Variants in GRID2 observed in about 807,000 individuals in gnomAD.
GRID2 encodes the protein glutamate receptor ionotropic, delta-2.
Under a neutral mutation model 114.8 loss-of-function variants are expected in GRID2, and 33 were observed. The observed-to-expected ratio is 0.29, with a 90% CI of 0.22 to 0.38. GRID2 has a LOEUF of 0.38. Ranked by LOEUF, GRID2 falls within the 10% of genes least tolerant of loss-of-function variation. GRID2 has a pLI of 1.00. For missense variants in GRID2, 1,184 were observed against 1,257.7 expected (o/e 0.94, Z 0.89); for synonymous variants, 505 against 449.9 (o/e 1.12, Z -1.55).
chr4:92,714,931 G>A (rs1445348272), intron 2 of GRID2, among the ~76,000 whole-genome samples: 3 of 152,168 alleles, frequency 2.0e-5, no homozygotes, highest in African/African-American at 4.8e-5. Context: ...TTGTCTTGGC[G>A]ATTAACATTT....
Position 93,593,718 on chromosome 4 carries a change from A to G in GRID2, c.2194-32551A>G, listed in dbSNP as rs201961734. 8.8e-4 allele frequency among the ~76,000 whole-genome samples: 134 copies of G among 152,106 alleles called. 1 individual carries two copies. The highest frequency in any genetic ancestry group is 1.3e-3 in the Non-Finnish European group (91 of 67,966). On this transcript the variant is annotated intron_variant, in intron 13 of 15. Transcript: ENST00000282020. ...AATCAGACGTAGATTTGGTCTTTTCACATAGTCCCATATTTCCTGGAGGCT... is the reference window on the plus strand; with the variant it reads ...AATCAGACGTAGATTTGGTCTTTTCGCATAGTCCCATATTTCCTGGAGGCT...
intron 3 of GRID2, 82 bp downstream of exon 3, chr4:93,085,361 G>A (rs1730237246): frequency 2.9e-6 from 3 of 1,041,232 alleles, no homozygotes; most frequent in Non-Finnish European, 4.3e-6. Context: ...AAGTTTCAAG[G>A]GTCTTACTCA....
At chr4:93,700,783 C>A (rs184727929) in intron 14 of GRID2, among the ~76,000 whole-genome samples, 1 of 152,206 alleles carries the variant, frequency 6.6e-6, no homozygotes, top group African/African-American at 2.4e-5. Context: ...GCAGTGGTGC[C>A]TGCTGCTTGA....
chr4:93,806,979 T>C (rs1361193488), exon 2 of GRID2: 1 of 152,218 alleles, frequency 6.6e-6, no homozygotes, highest in African/African-American at 2.4e-5. Flanking sequence ...TCTCCTAAAT[T>C]AAAAACTCCT....
At chr4:93,393,071 C>A (rs1337237724) in intron 8 of GRID2, among the ~76,000 whole-genome samples, 2 of 151,856 alleles carry the variant, frequency 1.3e-5, no homozygotes, top group East Asian at 3.9e-4. Context: ...TTAATAATTT[C>A]TTAGTTATAC....
At chr4:92,642,822 G>A (rs1307823256) in intron 2 of GRID2, among the ~76,000 whole-genome samples, 1 of 151,656 alleles carries the variant, frequency 6.6e-6, no homozygotes, top group African/African-American at 2.4e-5. Context: ...TCTACATTGA[G>A]TTAATTTTTG....
At chr4:93,670,256 AC>A (rs1305643451) in intron 14 of GRID2, among the ~76,000 whole-genome samples, 2 of 152,152 alleles carry the variant, frequency 1.3e-5, no homozygotes, top group African/African-American at 4.8e-5. Flanking sequence ...ATTTCTATGC[AC>A]CCTGAAACTC....
chr4:93,175,699 T>C (rs1739289627), intron 4 of GRID2, among the ~76,000 whole-genome samples: 1 of 152,202 alleles, frequency 6.6e-6, no homozygotes, highest in South Asian at 2.1e-4. Flanking sequence ...TTTAGACTCA[T>C]GGAAAGAAGA....
chr4:92,781,766 A>G (rs570296187), intron 2 of GRID2, among the ~76,000 whole-genome samples: 2 of 152,160 alleles, frequency 1.3e-5, no homozygotes, highest in East Asian at 1.9e-4. Flanking sequence ...CTATATTTTT[A>G]CGCGTTACAA....
chr4:93,301,659 A>G (rs1273120509), intron 8 of GRID2, among the ~76,000 whole-genome samples: 1 of 152,196 alleles, frequency 6.6e-6, no homozygotes, highest in Non-Finnish European at 1.5e-5. Flanking sequence ...AAAGTACCAC[A>G]CAAGTTATTT....
intron 14 of GRID2, among the ~76,000 whole-genome samples, chr4:93,685,672 A>T (rs530873715): frequency 2.0e-5 from 3 of 151,978 alleles, no homozygotes; most frequent in Non-Finnish European, 4.4e-5. Context: ...ATGGATTTAG[A>T]TTATCACCTA....
chr4:93,774,683 TG>T (rs1734320417), downstream of GRID2: 1 of 152,206 alleles, frequency 6.6e-6, no homozygotes, highest in Non-Finnish European at 1.5e-5. Context: ...TAAGTTTTAC[TG>T]GCAGAACTAT....
At chr4:92,714,591 G>A (rs554285917) in intron 2 of GRID2, among the ~76,000 whole-genome samples, 1 of 152,268 alleles carries the variant, frequency 6.6e-6, no homozygotes, top group African/African-American at 2.4e-5. Context: ...TAGACATCTA[G>A]GCATTTCCAT....
intron 8 of GRID2, among the ~76,000 whole-genome samples, chr4:93,307,080 C>T (rs1486453651): frequency 6.6e-6 from 1 of 151,996 alleles, no homozygotes; most frequent in Non-Finnish European, 1.5e-5. Flanking sequence ...CCTGTAATCC[C>T]AGCTACTTGG....
chr4:93,752,057 T>C (rs920190651), intron 14 of GRID2, among the ~76,000 whole-genome samples: 3 of 152,208 alleles, frequency 2.0e-5, no homozygotes, highest in Middle Eastern at 3.4e-3. Context: ...TTCATGTCAA[T>C]GTTTGGTTCT....
chr4:93,131,797 A>G (rs1482091450), intron 4 of GRID2, among the ~76,000 whole-genome samples: 6 of 152,158 alleles, frequency 3.9e-5, no homozygotes, highest in Non-Finnish European at 7.4e-5. Context: ...TACAAGATAT[A>G]AAATTTGAGA....
intron 9 of GRID2, among the ~76,000 whole-genome samples, chr4:93,414,077 GTGT>G (rs1053581092): frequency 1.3e-5 from 2 of 152,106 alleles, no homozygotes; most frequent in African/African-American, 4.8e-5. Flanking sequence ...GTATGAGATG[GTGT>G]TGCATCACTT....
chr4:92,959,474 G>T (rs1235365962), intron 2 of GRID2, among the ~76,000 whole-genome samples: 1 of 151,278 alleles, frequency 6.6e-6, no homozygotes, highest in Non-Finnish European at 1.5e-5. Context: ...TGTTTGTAAT[G>T]CCCCGTAACC....
intron 2 of GRID2, among the ~76,000 whole-genome samples, chr4:92,935,113 G>A (rs1750559449): frequency 6.8e-6 from 1 of 146,434 alleles, no homozygotes; most frequent in African/African-American, 2.4e-5. Context: ...CCTACAAAAT[G>A]GGAGAAAATT....
Sources: gnomAD v4.1 joint callset for allele counts (sites outside exome capture counted in the v4.1 genomes callset) on GRCh38, gnomAD v4.1.1 for gene constraint, MANE v1.5 for transcripts, NCBI Gene and HGNC (gene_info 2026-07-23, HGNC 2026-07-21) for gene names.